The following ITGB1 variants were observed in gnomAD, a reference collection of about 807,000 sequenced individuals.
ITGB1 encodes integrin subunit beta 1.
ITGB1 carries 24 observed loss-of-function variants against 86.5 expected under a neutral mutation model. The ratio of observed to expected loss-of-function variants is 0.28; its 90% CI spans 0.20 to 0.39. ITGB1 has a LOEUF of 0.39. Among genes scored for constraint, ITGB1 ranks in the 10% least tolerant of loss-of-function variants. The pLI is 1.00. For missense variants in ITGB1, 556 were observed against 946.9 expected, an observed-to-expected ratio of 0.59 and a Z score of 5.42; for synonymous variants, 323 against 316.8, an observed-to-expected ratio of 1.02 and a Z score of -0.21.
chr10:32,942,699 G>GTTTTT lies in ITGB1; in HGVS notation c.1-7142_1-7141insAAAAA, dbSNP rs1162232836. Among the ~76,000 whole-genome samples, 17 of 140,908 alleles carry GTTTTT rather than the reference G, an allele frequency of 1.2e-4. 4 individuals are homozygous for GTTTTT. The highest frequency in any genetic ancestry group is 1.4e-4 in the Admixed American group (2 of 14,292). The allele number at this position is 140,908 out of a possible 152,430, so 92.4% of individuals were successfully genotyped here. On this transcript the variant is annotated intron_variant, in intron 1 of 15. Coordinates refer to ENST00000302278, the MANE Select transcript of ITGB1 (RefSeq NM_002211.4). ...TCTCTCTCTCTTTTTTTTTTTTTTG[G>GTTTTT]GGGGAGACAGGGTCTTGCTCTGTCG...
chr10:32,915,459 C>T (rs1593859965), intron 11 of ITGB1, among the ~76,000 whole-genome samples: 1 of 152,000 alleles, frequency 6.6e-6, no homozygotes, highest in African/African-American at 2.4e-5. Context: ...CAAATAGATG[C>T]AATAAAAAAT....
At chr10:32,904,278 C>T (rs868757919) in intron 15 of ITGB1, among the ~76,000 whole-genome samples, 1 of 151,938 alleles carries the variant, frequency 6.6e-6, no homozygotes, top group Non-Finnish European at 1.5e-5. Flanking sequence ...GCAACACCAC[C>T]CCACCCCAAA....
chr10:32,933,048 C>CT (rs1010931234), intron 2 of ITGB1, among the ~76,000 whole-genome samples: 4 of 151,996 alleles, frequency 2.6e-5, no homozygotes, highest in Admixed American at 2.6e-4. Context: ...TCCCGACTTC[C>CT]TCCCCACCTT....
In ITGB1 at chr10:32,911,630, G is replaced by A. The variant is rs11009140; in HGVS notation, c.1749C>T (p.Pro583=). 9.1e-4 allele frequency: 1,474 copies of A among 1,614,118 alleles called. 40 individuals are homozygous for A. The East Asian group carries it at 0.025, about 27-fold the overall frequency. ...AGTCACATGCACTGCCAGTGTAGTT[G>A]GGGTTGCACTCACACACACGACACT... ...VCKCRVCECN[P]NYTGSACDCS... The change falls in exon 13 of 16, where the codon CCC becomes CCT. Residue 583 remains proline, a synonymous_variant. Coordinates refer to ENST00000302278, the MANE Select transcript of ITGB1 (RefSeq NM_002211.4).
chr10:32,907,164 T>G, intron 15 of ITGB1: 1 of 1,066,440 alleles, frequency 9.4e-7, no homozygotes, highest in Non-Finnish European at 1.3e-6. Context: ...AGAAATAGTT[T>G]CTAATGATTT....
chr10:32,945,664 T>A (rs1228857923), intron 1 of ITGB1, among the ~76,000 whole-genome samples: 1 of 152,116 alleles, frequency 6.6e-6, no homozygotes, highest in African/African-American at 2.4e-5. Context: ...AAAAGTTACA[T>A]GTCATTTGGG....
intron 14 of ITGB1, 74 bp from the exon 15 acceptor site, chr10:32,908,608 A>G: frequency 8.4e-6 from 11 of 1,310,770 alleles, no homozygotes; most frequent in Non-Finnish European, 1.1e-5. Context: ...ACAGGAATAA[A>G]CACCCAAGAG....
intron 15 of ITGB1, among the ~76,000 whole-genome samples, chr10:32,905,307 T>G (rs1212930923): frequency 6.6e-6 from 1 of 152,222 alleles, no homozygotes; most frequent in Non-Finnish European, 1.5e-5. Flanking sequence ...CTTGTAACTA[T>G]TAAACATTCC....
chr10:32,927,823 G>C (rs2094970148), intron 5 of ITGB1, among the ~76,000 whole-genome samples: 1 of 152,124 alleles, frequency 6.6e-6, no homozygotes, highest in African/African-American at 2.4e-5. Flanking sequence ...TAAGATAAAT[G>C]ATCAAGTTAG....
intron 1 of ITGB1, among the ~76,000 whole-genome samples, chr10:32,956,408 AAAAT>A (rs1167901926): frequency 1.3e-5 from 2 of 149,044 alleles, no homozygotes; most frequent in East Asian, 4.0e-4. Context: ...TAAAAAAAAA[AAAAT>A]AAAAAAACCT....
intron 9 of ITGB1, among the ~76,000 whole-genome samples, chr10:32,920,898 G>A (rs907836116): frequency 1.3e-5 from 2 of 151,510 alleles, no homozygotes; most frequent in African/African-American, 2.4e-5. Flanking sequence ...CAGAAGAATC[G>A]CCTGAACCCG....
At position 32,925,978 on chromosome 10, in the gene ITGB1, T is replaced by C. The variant is rs756772903; in HGVS notation, c.679A>G (p.Asn227Asp). Residue 227 changes from asparagine to aspartate, a missense_variant, in exon 6 of 16, where the codon AAT becomes GAT. Around this residue, in one of 4 missense-constraint regions of ITGB1, gnomAD observed 183 missense variants for 263.9 expected, o/e 0.69. Coordinates refer to ENST00000302278, the MANE Select transcript of ITGB1 (RefSeq NM_002211.4). ...FSYKNVLSLTNKGEVFNELVG... is the reference protein window; with the variant it reads ...FSYKNVLSLTDKGEVFNELVG... ...AGTTCATTAAATACTTCTCCTTTAT[T>C]AGTAAGACTGAGCACATTTTTGTAG... 2 of 1,613,964 alleles carry C rather than the reference T, an allele frequency of 1.2e-6. No individual in the cohort carries two copies. The highest frequency in any genetic ancestry group is 1.7e-6 in the Non-Finnish European group (2 of 1,179,826).
intron 11 of ITGB1, among the ~76,000 whole-genome samples, chr10:32,912,732 G>C (rs902128912): frequency 2.0e-5 from 3 of 152,206 alleles, no homozygotes; most frequent in Non-Finnish European, 2.9e-5. Flanking sequence ...AACACCTCTG[G>C]GGGCAGGGCA....
chr10:32,930,926 G>GT (rs1213557766), intron 3 of ITGB1, among the ~76,000 whole-genome samples: 1 of 150,744 alleles, frequency 6.6e-6, no homozygotes, highest in Non-Finnish European at 1.5e-5. Flanking sequence ...GTGAATAAAG[G>GT]TGTTTCAAGA....
chr10:32,949,236 A>C (rs994095722), intron 1 of ITGB1, among the ~76,000 whole-genome samples: 4 of 152,196 alleles, frequency 2.6e-5, no homozygotes, highest in African/African-American at 9.7e-5. Context: ...ATGAGGAAAC[A>C]AAACCAGAGA....
intron 5 of ITGB1, 49 bp from the exon 6 acceptor site, chr10:32,926,158 G>A (rs201944930): frequency 1.3e-5 from 17 of 1,266,376 alleles, no homozygotes; most frequent in Non-Finnish European, 1.6e-5. Context: ...TGGATAGATG[G>A]AAAGACAGAG....
At chr10:32,906,968 TA>T (rs1239912392) in intron 15 of ITGB1, 6 of 573,670 alleles carry the variant, frequency 1.0e-5, no homozygotes, top group South Asian at 1.6e-5. Flanking sequence ...AAGCCAGACT[TA>T]AAAAAAGAAC....
In ITGB1 at chr10:32,915,637, A is replaced by G. The variant is rs566260976; in HGVS notation, c.1470-3513T>C. ...AGGAAGAAGTTGAATCACTGAATAG[A>G]CCAATAACAGGCTCTCAAATGGAGG... On this transcript the variant is annotated intron_variant, in intron 11 of 15. Transcript: ENST00000302278. 4.4e-4 allele frequency among the ~76,000 whole-genome samples: 67 copies of G among 152,328 alleles called. 2 individuals are homozygous for G. The highest frequency in any genetic ancestry group is 8.5e-4 in the Admixed American group (13 of 15,294).
intron 1 of ITGB1, among the ~76,000 whole-genome samples, chr10:32,942,697 T>G (rs117147603): frequency 0.15 from 21,416 of 145,870 alleles, 1,785 homozygotes; most frequent in East Asian, 0.25. Context: ...TTTTTTTTTT[T>G]GGGGGGAGAC....
Sources: gnomAD v4.1 joint callset for allele counts (sites outside exome capture counted in the v4.1 genomes callset) on GRCh38, gnomAD v4.1.1 for gene constraint, gnomAD v4.1.1 regional missense constraint, MANE v1.5 for transcripts, NCBI Gene and HGNC (gene_info 2026-07-23, HGNC 2026-07-21) for gene names.